Variants in NDUFA11 observed in about 807,000 individuals in gnomAD.
NDUFA11 encodes NADH:ubiquinone oxidoreductase subunit A11.
Under a neutral mutation model 11.3 loss-of-function variants are expected in NDUFA11, and 14 were observed. That is an observed-to-expected ratio of 1.24 (90% CI 0.82 to 1.94). The LOEUF (loss-of-function observed/expected upper bound fraction) is 1.94, where lower values mean the gene tolerates loss of function less well. Among genes scored for constraint, NDUFA11 ranks in the 30% most tolerant of loss-of-function variants. NDUFA11 has a pLI of 0.00. For synonymous variants in NDUFA11, 87 were observed against 85.6 expected, an observed-to-expected ratio of 1.02 and a Z score of -0.09; for missense variants, 204 against 200.3, an observed-to-expected ratio of 1.02 and a Z score of -0.11.
chr19:5,899,451 CTTTTTTTT>C (rs71172780), intron 1 of NDUFA11, among the ~76,000 whole-genome samples: 9 of 68,846 alleles, frequency 1.3e-4, no homozygotes, highest in Admixed American at 4.4e-4. Context: ...CGCCCGGACT[CTTTTTTTT>C]TTTTTTTTTT....
intron 1 of NDUFA11, among the ~76,000 whole-genome samples, chr19:5,900,197 C>T (rs2057636047): frequency 6.6e-6 from 1 of 152,180 alleles, no homozygotes; most frequent in South Asian, 2.1e-4. Flanking sequence ...CAAAAGGCCC[C>T]CTTCCCTCTG....
At chr19:5,894,648 C>T (rs754353744), downstream of NDUFA11, 112 of 1,550,082 alleles carry the variant, frequency 7.2e-5, 2 homozygotes, top group South Asian at 8.2e-4. Flanking sequence ...GCTGTGTCGC[C>T]GTCATCAAGC....
chr19:5,898,444 A>G (rs1053907193), intron 1 of NDUFA11, among the ~76,000 whole-genome samples: 37 of 152,356 alleles, frequency 2.4e-4, no homozygotes, highest in African/African-American at 8.4e-4. Flanking sequence ...AGGAGGGACC[A>G]TCTGCTCCCC....
At chr19:5,895,915 G>C in intron 3 of NDUFA11, 1 of 177,520 alleles carries the variant, frequency 5.6e-6, no homozygotes. Flanking sequence ...TGAAGGTTGC[G>C]GGGGCAGCTC....
At chr19:5,897,028 C>T (rs2057614659) in intron 1 of NDUFA11, 31 bp from the exon 2 acceptor site, 3 of 1,571,564 alleles carry the variant, frequency 1.9e-6, no homozygotes, top group Non-Finnish European at 2.6e-6. Flanking sequence ...GCTGTTCAGA[C>T]CCCACTGCTG....
chr19:5,892,906 CA>C, downstream of NDUFA11: 1 of 1,436,058 alleles, frequency 7.0e-7, no homozygotes, highest in Non-Finnish European at 9.1e-7. Context: ...GAGGACAGAA[CA>C]AGGAAAGAAT....
At chr19:5,894,136 GA>G (rs2057593019), downstream of NDUFA11, among the ~76,000 whole-genome samples, 1 of 152,270 alleles carries the variant, frequency 6.6e-6, no homozygotes, top group Non-Finnish European at 1.5e-5. Flanking sequence ...GCCAGGTGCT[GA>G]GGGGGGTCCT....
downstream of NDUFA11, chr19:5,892,940 G>C: frequency 2.1e-6 from 3 of 1,453,516 alleles, no homozygotes; most frequent in Non-Finnish European, 2.7e-6. Flanking sequence ...TTCGAACCCA[G>C]AGTGTTTAAC....
In NDUFA11 at chr19:5,896,109, G is replaced by T. The variant is rs1365224112; in HGVS notation, c.313+344C>A. The stretch of plus-strand genomic sequence containing the variant: ...GCGGGGATGCTGGCTTGTACACAGG[G>T]TGGTCAGGACAGTGAGGGGAACAGC... On this transcript the variant is annotated intron_variant, in intron 3 of 3. Coordinates refer to ENST00000308961, the MANE Select transcript of NDUFA11 (RefSeq NM_175614.5). The surrounding 1 kb of genome is among the most constrained non-coding windows in gnomAD (Gnocchi z 5.8). 1.9e-6 allele frequency: 1 copy of T among 522,382 alleles called. No homozygotes were observed. Among genetic ancestry groups the T allele is most frequent in the Non-Finnish European group, 3.4e-6 (1 of 296,378 alleles). The allele number at this position is 522,382 out of a possible 1,614,324, so 32.4% of individuals were successfully genotyped here.
At chr19:5,901,702 C>A (rs943186343) in intron 1 of NDUFA11, among the ~76,000 whole-genome samples, 8 of 150,974 alleles carry the variant, frequency 5.3e-5, no homozygotes, top group Admixed American at 5.3e-4. Flanking sequence ...CGGAGTCTTG[C>A]TCTGTCGCCC....
chr19:5,900,432 C>T (rs2057637540), intron 1 of NDUFA11, among the ~76,000 whole-genome samples: 1 of 152,182 alleles, frequency 6.6e-6, no homozygotes, highest in African/African-American at 2.4e-5. Context: ...CCCACAGGTC[C>T]TGGGCTCTGC....
chr19:5,892,169 G>A (rs1490472673), downstream of NDUFA11: 1 of 152,662 alleles, frequency 6.6e-6, no homozygotes, highest in African/African-American at 2.4e-5. Context: ...GGAATGGGCT[G>A]GGTGGGCGGC....
At chr19:5,903,478 C>A in intron 1 of NDUFA11, 134 bp downstream of exon 1, 1 of 844,266 alleles carries the variant, frequency 1.2e-6, no homozygotes, top group East Asian at 2.7e-5. Flanking sequence ...CCTACGACCG[C>A]CCAAGACACC....
chr19:5,892,672 A>T, downstream of NDUFA11: 1 of 405,308 alleles, frequency 2.5e-6, no homozygotes, highest in Non-Finnish European at 4.2e-6. Context: ...CCTGGGGATG[A>T]CCGCCCGGGT....
rs1054705279 is a variant in NDUFA11, at chr19:5,903,770, C to A, written c.-62G>T. 7.9e-5 allele frequency: 120 copies of A among 1,515,220 alleles called. No individual in the cohort carries two copies. The Admixed American group carries it at 2.3e-3, about 29-fold the overall frequency. The allele number at this position is 1,515,220 out of a possible 1,614,324, so 93.9% of individuals were successfully genotyped here. A position where few individuals can be genotyped will look rare whatever the true frequency, so the allele number is the denominator to read the frequency against. On this transcript the variant is annotated 5_prime_UTR_variant, in exon 1 of 4. Transcript: ENST00000308961. Reference sequence around the variant, plus strand: ...AGCTCGGGAAGCGCAAGGGCAGCCGCGGCTGGCTATCGCGAGACTTCTCGG... The same window carrying A: ...AGCTCGGGAAGCGCAAGGGCAGCCGAGGCTGGCTATCGCGAGACTTCTCGG...
intron 1 of NDUFA11, among the ~76,000 whole-genome samples, chr19:5,900,656 G>A (rs559135539): frequency 2.6e-5 from 4 of 152,198 alleles, no homozygotes; most frequent in African/African-American, 7.2e-5. Context: ...AGTGGCTCAC[G>A]CCTGTAATCC....
chr19:5,896,869 G>A lies in NDUFA11; in HGVS notation c.190+36C>T, dbSNP rs752031214. 1.2e-5 allele frequency: 18 copies of A among 1,539,526 alleles called. No homozygotes were observed. In the East Asian group the frequency reaches 3.8e-4, roughly 33 times the overall value. ...GCTCTGAGAGCTGGGGCTGTGCCAG[G>A]AGAGGGCCCAGCCATGCCCAGCCCA... is the stretch of plus-strand genomic sequence containing the variant. On this transcript the variant is annotated intron_variant, in intron 2 of 3. Coordinates refer to ENST00000308961, the MANE Select transcript of NDUFA11 (RefSeq NM_175614.5). The surrounding 1 kb of genome is among the most constrained non-coding windows in gnomAD (Gnocchi z 5.8).
chr19:5,893,358 G>C, downstream of NDUFA11: 3 of 687,434 alleles, frequency 4.4e-6, no homozygotes, highest in Non-Finnish European at 4.9e-6. The surrounding 1 kb of genome is among the most constrained non-coding windows in gnomAD (Gnocchi z 4.1). Context: ...CCAGCTACCA[G>C]GGAGGCTGAG....
intron 3 of NDUFA11, chr19:5,895,944 G>A (rs2057605133): frequency 5.1e-6 from 1 of 196,996 alleles, no homozygotes; most frequent in Non-Finnish European, 1.0e-5. Flanking sequence ...GGCTCCAGGT[G>A]CAGGGAGAGA....
Sources: gnomAD v4.1 joint callset for allele counts (sites outside exome capture counted in the v4.1 genomes callset) on GRCh38, gnomAD v4.1.1 for gene constraint, Gnocchi (gnomAD v3.1) non-coding constraint, MANE v1.5 for transcripts, NCBI Gene and HGNC (gene_info 2026-07-23, HGNC 2026-07-21) for gene names.